EML6: variants seen among roughly 807,000 people sequenced by gnomAD.
The protein encoded by EML6 is echinoderm microtubule-associated protein-like 6.
In EML6, 154 loss-of-function variants were observed where a neutral mutation model predicts 240.1. That is an observed-to-expected ratio of 0.64 (90% CI 0.56 to 0.73). The LOEUF is 0.73. Ranked by LOEUF, EML6 falls within the 30% of genes least tolerant of loss-of-function variation. The pLI is 0.00. For missense variants in EML6, 2,964 were observed against 2,474.6 expected (o/e 1.20, Z -4.20); for synonymous variants, 1,148 against 899.0 (o/e 1.28, Z -4.95).
chr2:54,887,356 G>A (rs184540876), intron 17 of EML6, among the ~76,000 whole-genome samples: 8 of 152,078 alleles, frequency 5.3e-5, no homozygotes, highest in East Asian at 3.8e-4. Context: ...ATTTTCCCTC[G>A]TGAACCATTT....
chr2:54,950,594 C>T, intron 29 of EML6, 56 bp from the exon 30 acceptor site: 7 of 1,542,940 alleles, frequency 4.5e-6, no homozygotes, highest in Non-Finnish European at 6.1e-6. Context: ...GGGTGTGTTC[C>T]TCGGCTCTCC....
At chr2:54,950,883 G>A in intron 30 of EML6, 104 bp downstream of exon 30, 1 of 1,230,960 alleles carries the variant, frequency 8.1e-7, no homozygotes, top group Non-Finnish European at 1.1e-6. Context: ...TTCCCTTATA[G>A]AGCCATTCCC....
chr2:54,942,379 T>G (rs995098119), intron 28 of EML6, among the ~76,000 whole-genome samples: 1 of 152,338 alleles, frequency 6.6e-6, no homozygotes, highest in East Asian at 1.9e-4. Flanking sequence ...CTCCGAAGAC[T>G]GTGGCAGAGT....
Position 54,829,419 on chromosome 2 carries a change from C to T in EML6, c.789C>T (p.Asp263=). 2 of 1,551,680 alleles carry T rather than the reference C, an allele frequency of 1.3e-6. No homozygotes were observed. ...GGRDGCIRLW[D]TDFKPITKID... is the part of the protein sequence containing the mutation. ...GAGATGGGTGTATACGACTGTGGGA[C>T]ACTGATTTCAAACCAATAACCAAAA... Residue 263 remains aspartate (D), a synonymous_variant, in exon 7 of 42, where the codon GAC becomes GAT. Transcript: ENST00000356458.
chr2:54,765,374 A>C lies in EML6; in HGVS notation c.197+40116A>C, dbSNP rs1434223616. Among the ~76,000 whole-genome samples the C allele has an allele frequency of 3.3e-5, 5 of 152,172 alleles. No homozygotes were observed. In the South Asian group the frequency reaches 1.0e-3, roughly 31 times the overall value. On this transcript the variant is annotated intron_variant, in intron 2 of 41. Coordinates refer to ENST00000356458, the MANE Select transcript of EML6 (RefSeq NM_001039753.4). ...ATCTATAATTTTAGCATTTAATTAT[A>C]TATCTCCTCTTTTGAACTGTTCTCT...
intron 2 of EML6, among the ~76,000 whole-genome samples, chr2:54,736,546 G>A (rs1280050283): frequency 2.0e-5 from 3 of 152,112 alleles, no homozygotes; most frequent in Admixed American, 1.3e-4. Context: ...TACTGCCCCC[G>A]TTTTCTTTAT....
At chr2:54,794,161 A>G (rs1442648107) in intron 2 of EML6, among the ~76,000 whole-genome samples, 1 of 152,202 alleles carries the variant, frequency 6.6e-6, no homozygotes, top group Non-Finnish European at 1.5e-5. Flanking sequence ...AAAGGCTAAG[A>G]TAGATTAGGC....
chr2:54,838,500 T>G (rs1207533703), intron 7 of EML6, among the ~76,000 whole-genome samples: 2 of 152,214 alleles, frequency 1.3e-5, no homozygotes, highest in African/African-American at 4.8e-5. Context: ...TATATTTAAC[T>G]GTTCAAAATA....
chr2:54,907,918 AGAT>A (rs1173884489), intron 24 of EML6, among the ~76,000 whole-genome samples: 4 of 51,002 alleles, frequency 7.8e-5, no homozygotes, highest in African/African-American at 2.9e-4. Context: ...ATAGATAGAT[AGAT>A]AGATAGATAG....
chr2:54,962,215 G>T (rs1348380423), intron 35 of EML6, among the ~76,000 whole-genome samples: 2 of 151,070 alleles, frequency 1.3e-5, no homozygotes, highest in Non-Finnish European at 2.9e-5. Flanking sequence ...TAATAATAGT[G>T]GTGTTTTAAA....
chr2:54,848,515 C>T (rs1029152746), intron 9 of EML6, among the ~76,000 whole-genome samples: 13 of 26,880 alleles, frequency 4.8e-4, no homozygotes, highest in Non-Finnish European at 1.1e-3. Context: ...ACTTCTCAAG[C>T]TTCCACACTA....
At position 54,829,393 on chromosome 2, in the gene EML6, C is replaced by T. The variant is rs1489790673; in HGVS notation, c.763C>T (p.Arg255Ter). Residue 255 changes from arginine (R) to a stop codon, truncating the protein, a stop_gained, in exon 7 of 42, where the codon CGA (arginine) becomes TGA (stop). Transcript: ENST00000356458. LOFTEE classifies it high-confidence loss of function. ...ACEEGFATGG[R>*]DGCIRLWDTD... Reference sequence around the variant, plus strand: ...TGAAGAAGGCTTTGCCACTGGTGGGCGAGATGGGTGTATACGACTGTGGGA... The same window carrying T: ...TGAAGAAGGCTTTGCCACTGGTGGGTGAGATGGGTGTATACGACTGTGGGA... 3 of 1,551,496 alleles carry T rather than the reference C, an allele frequency of 1.9e-6. No homozygotes were observed. Among genetic ancestry groups the T allele is most frequent in the Admixed American group, 3.9e-5 (2 of 51,004 alleles).
chr2:54,832,991 G>A (rs539200250), intron 7 of EML6, among the ~76,000 whole-genome samples: 2 of 152,108 alleles, frequency 1.3e-5, no homozygotes, highest in Non-Finnish European at 2.9e-5. Context: ...GTGAAACAGC[G>A]ACACTCGAAT....
Position 54,960,401 on chromosome 2 carries a change from G to A in EML6, c.4968+67G>A, listed in dbSNP as rs144184425. ...GGGAAGTGTAGGTACCCTCCCAGCC[G>A]GCACTTTCTCTGGGCTGGTTTGTTT... On this transcript the variant is annotated intron_variant, in intron 35 of 41. Coordinates refer to ENST00000356458, the MANE Select transcript of EML6 (RefSeq NM_001039753.4). 6.2e-4 allele frequency: 749 copies of A among 1,198,510 alleles called. 5 individuals carry two copies. In the African/African-American group the frequency reaches 7.8e-3, roughly 13 times the overall value. The allele number at this position is 1,198,510 out of a possible 1,614,324, so 74.2% of individuals were successfully genotyped here.
At chr2:54,961,404 T>C (rs1353349408) in intron 35 of EML6, among the ~76,000 whole-genome samples, 3 of 151,310 alleles carry the variant, frequency 2.0e-5, no homozygotes, top group Non-Finnish European at 4.4e-5. Flanking sequence ...CAGGCTGTTC[T>C]CAAAACTCCT....
Position 54,869,222 on chromosome 2 carries a change from A to G in EML6, c.2093A>G (p.Gln698Arg), listed in dbSNP as rs1401745259. 6.4e-7 allele frequency: 1 copy of G among 1,551,802 alleles called. No individual in the cohort carries two copies. The highest frequency in any genetic ancestry group is 2.0e-5 in the Admixed American group (1 of 50,994). The change falls in exon 15 of 42, where the codon CAA becomes CGA. Residue 698 changes from glutamine (Q) to arginine (R), a missense_variant. Physicochemically the swap from Gln to Arg is conservative, Grantham distance 43. Transcript: ENST00000356458. ...YDCRNNLFYT[Q>R]AGEVVYHIAA... ...TGTAGAAACAATCTGTTCTACACAC[A>G]AGCTGGAGAAGTAGTCTACCACATT...
chr2:54,887,887 G>A (rs1004341255), intron 17 of EML6, among the ~76,000 whole-genome samples: 2 of 152,160 alleles, frequency 1.3e-5, no homozygotes, highest in African/African-American at 4.8e-5. Context: ...CGGTACATTT[G>A]TTACAATTCA....
intron 6 of EML6, among the ~76,000 whole-genome samples, chr2:54,828,339 C>G (rs1449305843): frequency 6.6e-6 from 1 of 152,166 alleles, no homozygotes; most frequent in Non-Finnish European, 1.5e-5. Flanking sequence ...AAACTTCTTA[C>G]CACTCTGCTC....
intron 14 of EML6, 116 bp downstream of exon 14, chr2:54,867,000 A>G (rs921968965): frequency 8.3e-6 from 5 of 600,072 alleles, no homozygotes; most frequent in South Asian, 2.2e-5. Flanking sequence ...CCTCCTGGCT[A>G]GCTCTTCTCT....
Sources: gnomAD v4.1 joint callset for allele counts (sites outside exome capture counted in the v4.1 genomes callset) on GRCh38, gnomAD v4.1.1 for gene constraint, MANE v1.5 for transcripts, NCBI Gene and HGNC (gene_info 2026-07-23, HGNC 2026-07-21) for gene names.